Variants in GNAL observed in about 807,000 individuals in gnomAD.
GNAL encodes G protein subunit alpha L, also known as guanine nucleotide-binding protein G(olf) subunit alpha.
A neutral mutation model predicts 55.1 loss-of-function variants in GNAL; 18 were observed. The ratio of observed to expected loss-of-function variants is 0.33; its 90% CI spans 0.23 to 0.48. The LOEUF (loss-of-function observed/expected upper bound fraction) is 0.48. GNAL is among the 20% of genes least tolerant of loss of function. GNAL has a pLI of 0.99. For missense variants in GNAL, 412 were observed against 614.1 expected, an observed-to-expected ratio of 0.67 and a Z score of 3.48; for synonymous variants, 253 against 237.0, an observed-to-expected ratio of 1.07 and a Z score of -0.62.
At position 11,868,669 on chromosome 18, in the gene GNAL, A is replaced by T. The variant is rs1353010875; in HGVS notation, c.1031+6A>T. The T allele has an allele frequency of 2.5e-6, 4 of 1,598,666 alleles. No individual in the cohort carries two copies. Among genetic ancestry groups the T allele is most frequent in the Non-Finnish European group, 3.4e-6 (4 of 1,175,030 alleles). The stretch of plus-strand genomic sequence containing the variant: ...GAAAGCATCTGGAACAACAGGTGAC[A>T]AAAATAGCAAATTCAGTCTTACCAT... On this transcript the variant is annotated splice_donor_region_variant and intron_variant, in intron 9 of 11. Coordinates refer to ENST00000334049, the MANE Select transcript of GNAL (RefSeq NM_182978.4). The surrounding 1 kb of genome is among the most constrained non-coding windows in gnomAD (Gnocchi z 4.0).
chr18:11,701,134 C>G (rs372839142), intron 1 of GNAL, among the ~76,000 whole-genome samples: 1 of 152,080 alleles, frequency 6.6e-6, no homozygotes, highest in Non-Finnish European at 1.5e-5. Flanking sequence ...TGCACGTGCT[C>G]GGAGATAAAT....
chr18:11,863,925 G>A (rs2036203249), intron 6 of GNAL, among the ~76,000 whole-genome samples: 1 of 152,206 alleles, frequency 6.6e-6, no homozygotes, highest in Non-Finnish European at 1.5e-5. Context: ...CTGGAATGCT[G>A]ATGCCCTGAC....
At chr18:11,778,390 A>T (rs1160427819) in intron 4 of GNAL, among the ~76,000 whole-genome samples, 1 of 152,172 alleles carries the variant, frequency 6.6e-6, no homozygotes, top group Non-Finnish European at 1.5e-5. Flanking sequence ...TTCTTCAAAA[A>T]TGGTGTCAGC....
chr18:11,713,378 C>T (rs2031882054), intron 1 of GNAL, among the ~76,000 whole-genome samples: 1 of 152,176 alleles, frequency 6.6e-6, no homozygotes, highest in Non-Finnish European at 1.5e-5. Flanking sequence ...ACATCCCATG[C>T]AATTGGTTAG....
intron 4 of GNAL, among the ~76,000 whole-genome samples, chr18:11,817,244 T>C (rs1243705089): frequency 1.3e-5 from 2 of 152,236 alleles, no homozygotes; most frequent in African/African-American, 4.8e-5. Context: ...CCCAAGGAAC[T>C]GCTATTGAGC....
At chr18:11,714,585 T>C (rs1409828891) in intron 1 of GNAL, among the ~76,000 whole-genome samples, 1 of 152,234 alleles carries the variant, frequency 6.6e-6, no homozygotes, top group Admixed American at 6.5e-5. Context: ...TTTCTAGTCT[T>C]GTCTTTGTCC....
chr18:11,725,351 A>G (rs2032188937), intron 1 of GNAL, among the ~76,000 whole-genome samples: 1 of 152,214 alleles, frequency 6.6e-6, no homozygotes, highest in African/African-American at 2.4e-5. Context: ...AGAGGACGCC[A>G]TCCGCAAGCC....
intron 4 of GNAL, among the ~76,000 whole-genome samples, chr18:11,757,123 T>TA (rs1452783790): frequency 1.3e-5 from 2 of 152,128 alleles, no homozygotes; most frequent in Non-Finnish European, 2.9e-5. Context: ...ATGGGGGAAA[T>TA]ACGGGTGGGT....
intron 1 of GNAL, chr18:11,702,178 C>T (rs554313588): frequency 6.6e-6 from 1 of 152,428 alleles, no homozygotes; most frequent in East Asian, 1.9e-4. Context: ...TGCCTCGACC[C>T]CAGCTGTATT....
chr18:11,729,144 A>G (rs537114654), intron 1 of GNAL, among the ~76,000 whole-genome samples: 15 of 152,304 alleles, frequency 9.8e-5, no homozygotes, highest in African/African-American at 3.6e-4. Context: ...GGAACTGAAC[A>G]TTTAGAATAT....
intron 4 of GNAL, among the ~76,000 whole-genome samples, chr18:11,820,216 A>C (rs2143622310): frequency 6.6e-6 from 1 of 152,314 alleles, no homozygotes; most frequent in East Asian, 1.9e-4. Context: ...GGGGGAGAGC[A>C]GACAGCTCTT....
chr18:11,716,676 C>G (rs922936966), intron 1 of GNAL, among the ~76,000 whole-genome samples: 1 of 152,304 alleles, frequency 6.6e-6, no homozygotes, highest in African/African-American at 2.4e-5. Context: ...AGTGTCCACA[C>G]GAAGGTTCTC....
chr18:11,702,796 C>T (rs1228990145), intron 1 of GNAL, among the ~76,000 whole-genome samples: 2 of 143,558 alleles, frequency 1.4e-5, no homozygotes, highest in African/African-American at 5.2e-5. Flanking sequence ...AGGAGGGCAG[C>T]AGCTTCCAAG....
At chr18:11,856,888 T>A (rs1248773758) in intron 5 of GNAL, among the ~76,000 whole-genome samples, 3 of 152,156 alleles carry the variant, frequency 2.0e-5, no homozygotes, top group African/African-American at 4.8e-5. Context: ...GCCATGATTG[T>A]GCCACTGCAC....
chr18:11,868,382 A>G lies in GNAL; in HGVS notation c.911-161A>G, dbSNP rs1233617069. 1.3e-5 allele frequency among the ~76,000 whole-genome samples: 2 copies of G among 152,074 alleles called. No individual in the cohort carries two copies. The highest frequency in any genetic ancestry group is 4.8e-5 in the African/African-American group (2 of 41,400). ...CTTCATCAAGTGCGTTACTGAAGCA[A>G]CCAGTGGTGCGCGGCGCACCTGCAG... On this transcript the variant is annotated intron_variant, in intron 8 of 11. Coordinates refer to ENST00000334049, the MANE Select transcript of GNAL (RefSeq NM_182978.4). This position sits in a 1 kb window ranked among gnomAD's most constrained non-coding sequence, Gnocchi z 4.0.
chr18:11,869,245 G>A (rs1011862679), intron 9 of GNAL, among the ~76,000 whole-genome samples: 1 of 152,010 alleles, frequency 6.6e-6, no homozygotes, highest in African/African-American at 2.4e-5. Flanking sequence ...CCGGGTTCAT[G>A]CCATTCTCCT....
chr18:11,721,221 A>T (rs1448985413), intron 1 of GNAL, among the ~76,000 whole-genome samples: 1 of 152,212 alleles, frequency 6.6e-6, no homozygotes, highest in Non-Finnish European at 1.5e-5. Context: ...TTCACTCCTG[A>T]TGCTAAGGGT....
chr18:11,820,754 G>A (rs1160548057), intron 4 of GNAL, among the ~76,000 whole-genome samples: 1 of 152,162 alleles, frequency 6.6e-6, no homozygotes, highest in Non-Finnish European at 1.5e-5. Context: ...GTAAATATGT[G>A]GAATCATGGG....
chr18:11,758,513 A>G (rs1475758021), intron 4 of GNAL, among the ~76,000 whole-genome samples: 1 of 152,232 alleles, frequency 6.6e-6, no homozygotes, highest in Non-Finnish European at 1.5e-5. Context: ...CTTCACAGCA[A>G]ACCGGCAGGA....
Sources: allele counts gnomAD v4.1 joint callset (sites outside exome capture counted in the v4.1 genomes callset), GRCh38; gene constraint gnomAD v4.1.1; non-coding constraint Gnocchi (gnomAD v3.1); transcripts MANE v1.5; gene names NCBI Gene and HGNC (gene_info 2026-07-23, HGNC 2026-07-21).